Variants in JCAD observed in about 807,000 individuals in gnomAD.
JCAD encodes the protein junctional cadherin 5-associated protein.
Under a neutral mutation model 98.0 loss-of-function variants are expected in JCAD, and 40 were observed. That is an observed-to-expected ratio of 0.41 (90% CI 0.32 to 0.53). JCAD has a LOEUF of 0.53. Ranked by LOEUF, JCAD falls within the 20% of genes least tolerant of loss-of-function variation. The probability of loss-of-function intolerance (pLI) is 0.31; values close to 1 mark genes in which losing one functional copy is unlikely to be tolerated. For missense variants in JCAD, 1,705 were observed against 1,738.1 expected (o/e 0.98, Z 0.34); for synonymous variants, 691 against 682.3 (o/e 1.01, Z -0.20).
intron 1 of JCAD, among the ~76,000 whole-genome samples, chr10:30,097,305 C>T (rs1838386150): frequency 3.9e-5 from 6 of 152,178 alleles, no homozygotes; most frequent in Admixed American, 3.3e-4. Flanking sequence ...TTACTCTAAG[C>T]CCCCTGCAGC....
In JCAD at chr10:30,029,474, T is replaced by C. The variant is rs1173237240; in HGVS notation, c.674A>G (p.Asn225Ser). The change falls in exon 3 of 4, where the codon AAC (asparagine) becomes AGC (serine). Residue 225 changes from asparagine (N) to serine (S), a missense_variant. Asn to Ser is a conservative substitution (Grantham distance 46). Transcript: ENST00000375377. ...AGGCAGTGAGCGAGACTTCCCTTTG[T>C]TTTGAGAATTCAACACATGTTCTCC... The part of the protein sequence containing the change: ...IQGEHVLNSQ[N>S]KGKSRSLPRV... The C allele has an allele frequency of 1.2e-6, 2 of 1,614,200 alleles. No individual in the cohort carries two copies. Among genetic ancestry groups the C allele is most frequent in the Admixed American group, 1.7e-5 (1 of 60,030 alleles).
rs1336048881 is a variant in JCAD at position 30,071,768 on chromosome 10, GCT to G, written n.129-1949_129-1948del. Among the ~76,000 whole-genome samples the G allele has an allele frequency of 3.9e-5, 6 of 152,032 alleles. No individual in the cohort carries two copies. In the East Asian group the frequency reaches 9.7e-4, roughly 24 times the overall value. On this transcript the variant is annotated intron_variant and non_coding_transcript_variant, in intron 1 of 2. Transcript: ENST00000465712. Reference sequence around the variant, plus strand: ...ACTCCAGCCTGGGAGACAGAGTGAGGCTCTGTCTCAAAACTAAATAAATAAAA... The same window carrying G: ...ACTCCAGCCTGGGAGACAGAGTGAGGCTGTCTCAAAACTAAATAAATAAAA...
At position 30,050,044 on chromosome 10, in the gene JCAD, A is replaced by G. The variant is rs138043883; in HGVS notation, c.-59-2173T>C. Among the ~76,000 whole-genome samples the G allele has an allele frequency of 4.5e-3, 688 of 152,234 alleles. 10 individuals carry two copies. In the South Asian group the frequency reaches 0.05, roughly 11 times the overall value. On this transcript the variant is annotated intron_variant, in intron 1 of 3. Coordinates refer to ENST00000375377, the MANE Select transcript of JCAD (RefSeq NM_020848.4). Reference sequence around the variant, plus strand: ...AGGGTAAAGAAATGGGGCCAGGCACAGTGGCTCGCACCTATAATCCCAGCA... The same window carrying G: ...AGGGTAAAGAAATGGGGCCAGGCACGGTGGCTCGCACCTATAATCCCAGCA...
At chr10:30,067,790 G>C (rs1837811056) in intron 2 of JCAD, among the ~76,000 whole-genome samples, 1 of 152,174 alleles carries the variant, frequency 6.6e-6, no homozygotes, top group Non-Finnish European at 1.5e-5. Flanking sequence ...TGAGAATTGT[G>C]TTGTTAGGTG....
At chr10:30,095,015 C>A (rs552412860) in intron 1 of JCAD, among the ~76,000 whole-genome samples, 8 of 152,238 alleles carry the variant, frequency 5.3e-5, no homozygotes, top group East Asian at 3.9e-4. Context: ...GATTTCAGCC[C>A]GGGGTGGATC....
Position 30,027,193 on chromosome 10 carries a change from T to C in JCAD, c.2955A>G (p.Ala985=). The C allele has an allele frequency of 1.2e-6, 2 of 1,614,194 alleles. No individual in the cohort carries two copies. Among genetic ancestry groups the C allele is most frequent in the Non-Finnish European group, 1.7e-6 (2 of 1,180,032 alleles). ...CTGGATAGGACGCGGGCAGTGGTTT[T>C]GCGTCACTTGATCTTGAAGACATTC... The part of the protein sequence containing the change: ...VTRMSSRSSD[A]KPLPASYPAE... The change falls in exon 3 of 4, where the codon GCA becomes GCG. Residue 985 remains alanine (A), a synonymous_variant. Coordinates refer to ENST00000375377, the MANE Select transcript of JCAD (RefSeq NM_020848.4).
intron 3 of JCAD, among the ~76,000 whole-genome samples, chr10:30,024,994 C>T (rs2132609077): frequency 6.6e-6 from 1 of 152,266 alleles, no homozygotes; most frequent in South Asian, 2.1e-4. Flanking sequence ...AGCACCCGGC[C>T]CTACATTTTT....
At chr10:30,100,769 C>T (rs895516527) in intron 1 of JCAD, among the ~76,000 whole-genome samples, 1 of 152,130 alleles carries the variant, frequency 6.6e-6, no homozygotes, top group Non-Finnish European at 1.5e-5. Context: ...TATGAGTGAC[C>T]AATGGCCCCT....
chr10:30,101,008 T>C (rs1838463242), intron 1 of JCAD, among the ~76,000 whole-genome samples: 1 of 152,234 alleles, frequency 6.6e-6, no homozygotes, highest in Non-Finnish European at 1.5e-5. Context: ...AAGGAATGTC[T>C]GGGTTAAGAT....
chr10:30,103,611 AATAC>A (rs1329060669), intron 1 of JCAD, among the ~76,000 whole-genome samples: 1 of 124,082 alleles, frequency 8.1e-6, no homozygotes, highest in Non-Finnish European at 1.7e-5. Flanking sequence ...TTTATGTATA[AATAC>A]ACACACACAC....
chr10:30,106,083 A>G (rs1166867771), intron 1 of JCAD, among the ~76,000 whole-genome samples: 1 of 151,470 alleles, frequency 6.6e-6, no homozygotes, highest in African/African-American at 2.5e-5. Flanking sequence ...TTCCAGAGCC[A>G]TAGAACCACG....
intron 1 of JCAD, among the ~76,000 whole-genome samples, chr10:30,071,651 A>G (rs552399510): frequency 6.6e-6 from 1 of 152,176 alleles, no homozygotes; most frequent in East Asian, 1.9e-4. Context: ...CTAAAAATAC[A>G]AAAATTAGCC....
Position 30,013,494 on chromosome 10 carries a change from T to A in JCAD, c.*4389A>T, listed in dbSNP as rs573540712. On this transcript the variant is annotated 3_prime_UTR_variant, in exon 4 of 4. Coordinates refer to ENST00000375377, the MANE Select transcript of JCAD (RefSeq NM_020848.4). ...AATCTGGAAATGACTGCTTTTCCCC[T>A]TGCTGGGACATATGGTTTTCATTTC... The A allele has an allele frequency of 4.7e-4, 72 of 152,368 alleles. No individual in the cohort carries two copies. Among genetic ancestry groups the A allele is most frequent in the African/African-American group, 1.7e-3 (70 of 41,574 alleles). The allele number at this position is 152,368 out of a possible 1,614,324, so 9.4% of individuals were successfully genotyped here. A position where few individuals can be genotyped will look rare whatever the true frequency, so the allele number is the denominator to read the frequency against.
chr10:30,099,640 GACAGGATCT>G (rs893582409), intron 1 of JCAD, among the ~76,000 whole-genome samples: 19 of 151,982 alleles, frequency 1.3e-4, no homozygotes, highest in African/African-American at 4.3e-4. Flanking sequence ...TTTAAATAAT[GACAGGATCT>G]ACAAATAATC....
In JCAD at chr10:30,028,396, A is replaced by G; in HGVS notation, c.1752T>C (p.Ser584=). The change falls in exon 3 of 4, where the codon TCT becomes TCC. Residue 584 remains serine, a synonymous_variant. Coordinates refer to ENST00000375377, the MANE Select transcript of JCAD (RefSeq NM_020848.4). ...GATGTGATTCTGATTTCACTGGGAT[A>G]GAAACCAAGCAAAATATAGTCTCGT... ...KMNETIFCLV[S]IPVKSESHLP... 6.2e-7 allele frequency: 1 copy of G among 1,614,246 alleles called. No homozygotes were observed. Among genetic ancestry groups the G allele is most frequent in the Non-Finnish European group, 8.5e-7 (1 of 1,180,050 alleles).
At chr10:30,053,821 G>A (rs1255575128) in intron 1 of JCAD, among the ~76,000 whole-genome samples, 1 of 151,598 alleles carries the variant, frequency 6.6e-6, no homozygotes, top group East Asian at 1.9e-4. Context: ...CCAGCACTTT[G>A]CGAGGCTGAG....
chr10:30,054,877 G>C (rs1243603358), intron 1 of JCAD, among the ~76,000 whole-genome samples: 1 of 152,020 alleles, frequency 6.6e-6, no homozygotes, highest in Non-Finnish European at 1.5e-5. Flanking sequence ...CACCGTGTTA[G>C]CCAGGATGGT....
chr10:30,040,582 G>A (rs944065873), intron 2 of JCAD, among the ~76,000 whole-genome samples: 1 of 152,056 alleles, frequency 6.6e-6, no homozygotes, highest in Non-Finnish European at 1.5e-5. Flanking sequence ...CGGTGCCTCC[G>A]ACCCACGGTT....
intron 1 of JCAD, among the ~76,000 whole-genome samples, chr10:30,076,016 G>A (rs186238891): frequency 4.6e-5 from 7 of 151,778 alleles, no homozygotes; most frequent in Non-Finnish European, 1.0e-4. Context: ...TGTAAATATG[G>A]TTCAAACAGG....
Sources: allele counts gnomAD v4.1 joint callset (sites outside exome capture counted in the v4.1 genomes callset), GRCh38; gene constraint gnomAD v4.1.1; transcripts MANE v1.5; gene names NCBI Gene and HGNC (gene_info 2026-07-23, HGNC 2026-07-21).